The following CACNA1B variants were observed in gnomAD, a reference collection of about 807,000 sequenced individuals.
CACNA1B encodes the protein voltage-dependent N-type calcium channel subunit alpha-1B.
In CACNA1B, 70 loss-of-function variants were observed where a neutral mutation model predicts 247.2. The observed-to-expected ratio is 0.28, with a 90% CI of 0.23 to 0.35. The LOEUF is 0.35. CACNA1B is among the 10% of genes least tolerant of loss of function. The pLI, the probability that CACNA1B is intolerant of heterozygous loss-of-function variation, is 1.00. For synonymous variants in CACNA1B, 1,231 were observed against 1,294.4 expected, an observed-to-expected ratio of 0.95 and a Z score of 1.05; for missense variants, 2,367 against 3,197.4, an observed-to-expected ratio of 0.74 and a Z score of 6.26.
chr9:138,043,946 T>C (rs1357917335), intron 21 of CACNA1B, 46 bp downstream of exon 21: 5 of 1,601,762 alleles, frequency 3.1e-6, no homozygotes, highest in Admixed American at 1.7e-5. Flanking sequence ...CACTCACCCA[T>C]GCATCATGAC....
Position 138,073,580 on chromosome 9 carries a change from G to A in CACNA1B, c.4767G>A (p.Leu1589=). The A allele has an allele frequency of 6.2e-7, 1 of 1,610,372 alleles. No homozygotes were observed. Among genetic ancestry groups the A allele is most frequent in the Non-Finnish European group, 8.5e-7 (1 of 1,176,706 alleles). The change falls in exon 33 of 47, where the codon CTG becomes CTA. Residue 1589 remains leucine (L), a synonymous_variant. Coordinates refer to ENST00000371372, the MANE Select transcript of CACNA1B (RefSeq NM_000718.4). The surrounding 1 kb of genome is among the most constrained non-coding windows in gnomAD (Gnocchi z 6.4). ...AGGGCTACACCATCCGCATCCTGCT[G>A]TGGACCTTTGTCCAGTCCTTCAAGG... ...LRQGYTIRIL[L]WTFVQSFKAL... is the part of the protein sequence containing the mutation.
chr9:138,069,994 G>A (rs1461081743), intron 32 of CACNA1B, among the ~76,000 whole-genome samples: 1 of 152,346 alleles, frequency 6.6e-6, no homozygotes, highest in African/African-American at 2.4e-5. Flanking sequence ...CTGGCCGTGG[G>A]CAGGGCTTCC....
At chr9:137,996,928 C>G (rs901007633) in intron 15 of CACNA1B, among the ~76,000 whole-genome samples, 1 of 151,666 alleles carries the variant, frequency 6.6e-6, no homozygotes, top group Non-Finnish European at 1.5e-5. Flanking sequence ...AGCAAAGCAT[C>G]TGGGGGAAAC....
In CACNA1B at chr9:137,894,509, C is replaced by T. The variant is rs1398246389; in HGVS notation, c.530+11626C>T. Among the ~76,000 whole-genome samples the T allele has an allele frequency of 3.3e-5, 5 of 151,950 alleles. No homozygotes were observed. The East Asian group carries it at 5.8e-4, about 18-fold the overall frequency. ...AGGTCACTGCAAGCCCCTGGGTTCA[C>T]GCCATTCTCCTGCCTCAGCCTCCCG... On this transcript the variant is annotated intron_variant, in intron 3 of 46. Transcript: ENST00000371372.
intron 18 of CACNA1B, among the ~76,000 whole-genome samples, chr9:138,015,606 C>T (rs1370680960): frequency 2.0e-5 from 3 of 152,330 alleles, no homozygotes; most frequent in Admixed American, 6.5e-5. Context: ...GCCTGCGGAG[C>T]GGGGCCAATG....
chr9:138,076,947 A>G (rs181551523), intron 35 of CACNA1B, among the ~76,000 whole-genome samples: 15 of 152,240 alleles, frequency 9.9e-5, no homozygotes, highest in African/African-American at 3.4e-4. Context: ...TCCCCAGATG[A>G]TGTTGTTTGG....
At chr9:137,909,963 A>G (rs928229436) in intron 3 of CACNA1B, among the ~76,000 whole-genome samples, 28 of 151,806 alleles carry the variant, frequency 1.8e-4, no homozygotes, top group African/African-American at 6.5e-4. Context: ...TAGAGACAGC[A>G]TTTCACCATG....
In CACNA1B at chr9:137,962,563, C is replaced by A. The variant is rs11137325; in HGVS notation, c.1333+4876C>A. ...CTCTTAACACTGCTTTAACTGTGTC[C>A]CAGAGATTCTGGTATGTTATATCTT... On this transcript the variant is annotated intron_variant, in intron 10 of 46. Transcript: ENST00000371372. Among the ~76,000 whole-genome samples, 712 of 152,012 alleles carry A rather than the reference C, an allele frequency of 4.7e-3. 34 individuals carry two copies. The East Asian group carries it at 0.11, about 23-fold the overall frequency.
At chr9:137,893,632 CAG>C in intron 3 of CACNA1B, among the ~76,000 whole-genome samples, 1 of 147,220 alleles carries the variant, frequency 6.8e-6, no homozygotes, top group South Asian at 2.1e-4. Context: ...GCCTGGGCGA[CAG>C]AGTGAGACTC....
In CACNA1B at chr9:138,090,701, CAAAAAAAAAAA is replaced by C. The variant is rs1173964720; in HGVS notation, c.5095-5760_5095-5750del. ...TACAAGGTGAAACTCAACCCATCAG[CAAAAAAAAAAA>C]AAAAAAAAAAAAAAAAAAAAAATCA... On this transcript the variant is annotated intron_variant, in intron 36 of 46. Coordinates refer to ENST00000371372, the MANE Select transcript of CACNA1B (RefSeq NM_000718.4). Among the ~76,000 whole-genome samples, 13 of 16,592 alleles carry C rather than the reference CAAAAAAAAAAA, an allele frequency of 7.8e-4. 1 individual carries two copies. Among genetic ancestry groups the C allele is most frequent in the South Asian group, 0.011 (2 of 174 alleles). The allele number at this position is 16,592 out of a possible 152,430, so 10.9% of individuals were successfully genotyped here.
chr9:137,970,920 C>G (rs956821264), intron 10 of CACNA1B, among the ~76,000 whole-genome samples: 1 of 152,202 alleles, frequency 6.6e-6, no homozygotes, highest in Non-Finnish European at 1.5e-5. Flanking sequence ...GCTTAGAAAA[C>G]AGGCAGCCCA....
intron 24 of CACNA1B, among the ~76,000 whole-genome samples, chr9:138,049,644 C>T (rs1589095517): frequency 6.6e-6 from 1 of 152,290 alleles, no homozygotes; most frequent in South Asian, 2.1e-4. Context: ...GCGGCACAGC[C>T]TCTGGTGTGT....
intron 20 of CACNA1B, among the ~76,000 whole-genome samples, chr9:138,033,293 C>T (rs766053406): frequency 3.3e-5 from 5 of 151,944 alleles, no homozygotes; most frequent in Non-Finnish European, 5.9e-5. Context: ...TTATATTTTT[C>T]ATTTGTTTTA....
chr9:137,959,484 T>C (rs1957985885), intron 10 of CACNA1B, among the ~76,000 whole-genome samples: 1 of 152,198 alleles, frequency 6.6e-6, no homozygotes, highest in Non-Finnish European at 1.5e-5. Context: ...AATTGAAGAG[T>C]TAAAATGTCT....
intron 12 of CACNA1B, among the ~76,000 whole-genome samples, chr9:137,980,365 G>A (rs1445665522): frequency 2.6e-5 from 4 of 152,218 alleles, no homozygotes; most frequent in African/African-American, 9.6e-5. Flanking sequence ...GACCAGATGT[G>A]TGAGGCACCC....
In CACNA1B at chr9:138,112,329, C is replaced by T. The variant is rs571573086; in HGVS notation, c.5429-69C>T. The T allele has an allele frequency of 2.0e-5, 22 of 1,082,716 alleles. No individual in the cohort carries two copies. In the South Asian group the frequency reaches 2.5e-4, roughly 12 times the overall value. The allele number at this position is 1,082,716 out of a possible 1,614,324, so 67.1% of individuals were successfully genotyped here. ...CTCCCCACCTGCACCAGCTCTGCCC[C>T]ATTGGCGGCTGCAGGGCTGCTCCTA... On this transcript the variant is annotated intron_variant, in intron 39 of 46. Coordinates refer to ENST00000371372, the MANE Select transcript of CACNA1B (RefSeq NM_000718.4).
chr9:137,878,236 CCGGGCGGG>C lies in CACNA1B; in HGVS notation c.284+20_284+27del. On this transcript the variant is annotated intron_variant, in intron 1 of 46. Transcript: ENST00000371372. Reference sequence around the variant, plus strand: ...AGTGGCCATATCCTGCCGGGCGGGGCCGGGCGGGGCCGGGCGGGGACCGGGGTGGGGGC... The same window carrying C: ...AGTGGCCATATCCTGCCGGGCGGGGCGCCGGGCGGGGACCGGGGTGGGGGC... 1 of 943,436 alleles carries C rather than the reference CCGGGCGGG, an allele frequency of 1.1e-6. No homozygotes were observed. The highest frequency in any genetic ancestry group is 1.3e-6 in the Non-Finnish European group (1 of 761,342). 58.4% of individuals were successfully genotyped at this position (943,436 alleles called of 1,614,324 possible).
Position 138,058,817 on chromosome 9 carries a change from C to T in CACNA1B, c.4473+84C>T. 7.9e-7 allele frequency: 1 copy of T among 1,273,844 alleles called. No homozygotes were observed. Among genetic ancestry groups the T allele is most frequent in the East Asian group, 2.5e-5 (1 of 39,618 alleles). 78.9% of individuals were successfully genotyped at this position (1,273,844 alleles called of 1,614,324 possible). Reference sequence around the variant, plus strand: ...TGAGGCTGAGTGGAGAGTCAGCCTTCTTCCTCCCTGCATGAGCCAAAGCAG... The same window carrying T: ...TGAGGCTGAGTGGAGAGTCAGCCTTTTTCCTCCCTGCATGAGCCAAAGCAG... On this transcript the variant is annotated intron_variant, in intron 29 of 46. Coordinates refer to ENST00000371372, the MANE Select transcript of CACNA1B (RefSeq NM_000718.4). The surrounding 1 kb of genome is among the most constrained non-coding windows in gnomAD (Gnocchi z 4.7).
intron 34 of CACNA1B, among the ~76,000 whole-genome samples, chr9:138,075,056 T>C (rs1351034930): frequency 6.6e-6 from 1 of 152,226 alleles, no homozygotes; most frequent in Non-Finnish European, 1.5e-5. Flanking sequence ...TTATAAATCT[T>C]TGGCATCTGA....
Sources: gnomAD v4.1 joint callset for allele counts (sites outside exome capture counted in the v4.1 genomes callset) on GRCh38, gnomAD v4.1.1 for gene constraint, Gnocchi (gnomAD v3.1) non-coding constraint, MANE v1.5 for transcripts, NCBI Gene and HGNC (gene_info 2026-07-23, HGNC 2026-07-21) for gene names.